The following DYM variants were observed in gnomAD, a reference collection of about 807,000 sequenced individuals.
The protein encoded by DYM is dymeclin, also known as dyggve-Melchior-Clausen syndrome protein.
Under a neutral mutation model 93.1 loss-of-function variants are expected in DYM, and 78 were observed. That is an observed-to-expected ratio of 0.84 (90% CI 0.70 to 1.01). The LOEUF is 1.01. DYM is among the 50% of genes least tolerant of loss of function. The pLI, the probability that DYM is intolerant of heterozygous loss-of-function variation, is 0.00. For missense variants in DYM, 789 were observed against 845.0 expected (o/e 0.93, Z 0.82); for synonymous variants, 321 against 319.7 (o/e 1.00, Z -0.04).
rs552432695 is a variant in DYM at position 49,236,656 on chromosome 18, G to A, written c.1460+20354C>T. ...GGAAATAGGCAGGGGTAAATTCCAA[G>A]AGCCAATTAACAATGGGAAATGAAA... On this transcript the variant is annotated intron_variant, in intron 13 of 17. Coordinates refer to ENST00000675505, the MANE Select transcript of DYM (RefSeq NM_001353214.3). 9.2e-5 allele frequency among the ~76,000 whole-genome samples: 14 copies of A among 152,218 alleles called. No homozygotes were observed. In the South Asian group the frequency reaches 2.9e-3, roughly 32 times the overall value.
chr18:49,280,593 C>T (rs1599089520), intron 10 of DYM, among the ~76,000 whole-genome samples: 2 of 152,172 alleles, frequency 1.3e-5, no homozygotes, highest in East Asian at 3.9e-4. Flanking sequence ...ACTATAAGGA[C>T]AGGGAGGGAT....
At chr18:49,254,555 C>A (rs1460956691) in intron 13 of DYM, among the ~76,000 whole-genome samples, 1 of 151,856 alleles carries the variant, frequency 6.6e-6, no homozygotes, top group Non-Finnish European at 1.5e-5. Context: ...CTTATTTCTT[C>A]AAATATGATT....
intron 2 of DYM, among the ~76,000 whole-genome samples, chr18:49,402,743 C>T (rs1313839021): frequency 6.6e-6 from 1 of 152,178 alleles, no homozygotes; most frequent in Non-Finnish European, 1.5e-5. Context: ...ACACCAAGTG[C>T]ACTCTACCTC....
At chr18:49,045,363 T>G (rs1210436802) in intron 17 of DYM, among the ~76,000 whole-genome samples, 1 of 152,254 alleles carries the variant, frequency 6.6e-6, no homozygotes, top group African/African-American at 2.4e-5. Flanking sequence ...CTTAATAAAC[T>G]GATGAGTGAA....
At chr18:49,386,258 G>A (rs1439686046) in intron 3 of DYM, among the ~76,000 whole-genome samples, 2 of 152,114 alleles carry the variant, frequency 1.3e-5, no homozygotes, top group Non-Finnish European at 1.5e-5. Flanking sequence ...TATGTTCAAA[G>A]TGCTGAAAGA....
chr18:49,199,786 C>G (rs920156004), intron 14 of DYM, among the ~76,000 whole-genome samples: 1 of 152,122 alleles, frequency 6.6e-6, no homozygotes, highest in Non-Finnish European at 1.5e-5. Flanking sequence ...CTCATTAGAG[C>G]TTTGTCTTAG....
At chr18:49,332,085 T>C in intron 7 of DYM, 79 bp from the exon 8 acceptor site, 1 of 1,403,602 alleles carries the variant, frequency 7.1e-7, no homozygotes, top group Non-Finnish European at 9.9e-7. Context: ...GAAATAATTC[T>C]GCCATTAACA....
In DYM at chr18:49,080,359, G is replaced by A. The variant is rs1391716339; in HGVS notation, c.2025+17043C>T. Among the ~76,000 whole-genome samples, 4 of 137,868 alleles carry A rather than the reference G, an allele frequency of 2.9e-5. 1 individual carries two copies. Among genetic ancestry groups the A allele is most frequent in the Non-Finnish European group, 6.4e-5 (4 of 62,718 alleles). The allele number at this position is 137,868 out of a possible 152,430, so 90.4% of individuals were successfully genotyped here. The stretch of plus-strand genomic sequence containing the variant: ...GGCTGACCCCCCCCAACTCCCTCCC[G>A]GACGGGGTGGCTGGCCGGGCGAGGG... On this transcript the variant is annotated intron_variant, in intron 17 of 17. Coordinates refer to ENST00000675505, the MANE Select transcript of DYM (RefSeq NM_001353214.3).
chr18:49,272,174 T>A lies in DYM; in HGVS notation c.1251+4A>T. On this transcript the variant is annotated splice_donor_region_variant and intron_variant, in intron 11 of 17. Coordinates refer to ENST00000675505, the MANE Select transcript of DYM (RefSeq NM_001353214.3). ...TAACTCTAATCCAAGTAATGGTAAC[T>A]TACCACTTCATGAATGGATCTGTTG... 1 of 1,612,044 alleles carries A rather than the reference T, an allele frequency of 6.2e-7. No homozygotes were observed. Among genetic ancestry groups the A allele is most frequent in the Non-Finnish European group, 8.5e-7 (1 of 1,178,518 alleles).
rs954213441 is a variant in DYM at position 49,380,287 on chromosome 18, C to T, written c.194-529G>A. ...TAAAGAATTTTTTTTTAACTTTAAA[C>T]GATGGGCATTTCAGCAACTGTATCA... is the stretch of plus-strand genomic sequence containing the variant. On this transcript the variant is annotated intron_variant, in intron 3 of 17. Transcript: ENST00000675505. Among the ~76,000 whole-genome samples, 89 of 152,050 alleles carry T rather than the reference C, an allele frequency of 5.9e-4. 3 individuals carry two copies. Among genetic ancestry groups the T allele is most frequent in the Admixed American group, 5.8e-3 (89 of 15,246 alleles).
chr18:49,297,133 T>C (rs1002423833), intron 8 of DYM, among the ~76,000 whole-genome samples: 3 of 152,352 alleles, frequency 2.0e-5, no homozygotes, highest in Non-Finnish European at 4.4e-5. Flanking sequence ...TTTAATCCTA[T>C]ATTTTAAGTT....
intron 13 of DYM, among the ~76,000 whole-genome samples, chr18:49,223,026 A>T (rs941663773): frequency 9.9e-5 from 15 of 152,156 alleles, no homozygotes; most frequent in African/African-American, 3.6e-4. Flanking sequence ...AGAATATGAA[A>T]TAAACAGGAA....
At chr18:49,329,558 T>A (rs1012626081) in intron 8 of DYM, 5 of 152,172 alleles carry the variant, frequency 3.3e-5, no homozygotes. Context: ...GAGAAGAAAC[T>A]GCAGAAGGCC....
intron 13 of DYM, among the ~76,000 whole-genome samples, chr18:49,225,771 A>G (rs746524522): frequency 6.6e-5 from 10 of 152,076 alleles, no homozygotes; most frequent in Non-Finnish European, 1.3e-4. Flanking sequence ...TAAATTAGCC[A>G]CTCATTCTGG....
intron 2 of DYM, among the ~76,000 whole-genome samples, chr18:49,425,592 T>G (rs1278993960): frequency 2.0e-5 from 3 of 152,034 alleles, no homozygotes; most frequent in Non-Finnish European, 4.4e-5. Context: ...GAAACTACCA[T>G]CAGAGTGAAC....
At chr18:49,351,229 C>T (rs532022170) in intron 6 of DYM, among the ~76,000 whole-genome samples, 15 of 152,206 alleles carry the variant, frequency 9.9e-5, no homozygotes, top group African/African-American at 3.6e-4. Context: ...CAAGACCAGC[C>T]TGGCCAACAT....
chr18:49,037,527 C>G lies in DYM; in HGVS notation c.*6528G>C, dbSNP rs2070750013. Among the ~76,000 whole-genome samples the G allele has an allele frequency of 6.6e-6, 1 of 152,108 alleles. No homozygotes were observed. Among genetic ancestry groups the G allele is most frequent in the South Asian group, 2.1e-4 (1 of 4,820 alleles). On this transcript the variant is annotated 3_prime_UTR_variant, in exon 18 of 18. Coordinates refer to ENST00000675505, the MANE Select transcript of DYM (RefSeq NM_001353214.3). ...GGATCATTAGGAGCCCAAACCTCAGCATCATCAATATATTCTTGTAACAAA... is the reference window on the plus strand; with the variant it reads ...GGATCATTAGGAGCCCAAACCTCAGGATCATCAATATATTCTTGTAACAAA...
chr18:49,096,947 T>C (rs1208838061), intron 17 of DYM, among the ~76,000 whole-genome samples: 1 of 152,122 alleles, frequency 6.6e-6, no homozygotes, highest in Admixed American at 6.6e-5. Context: ...AGTTTCCTCA[T>C]CTGAAAAATT....
intron 16 of DYM, among the ~76,000 whole-genome samples, chr18:49,105,097 G>C (rs2080643670): frequency 5.9e-5 from 9 of 152,132 alleles, no homozygotes. Context: ...GCCTGTTATT[G>C]GTCTATTCAG....
Sources: allele counts gnomAD v4.1 joint callset (sites outside exome capture counted in the v4.1 genomes callset), GRCh38; gene constraint gnomAD v4.1.1; transcripts MANE v1.5; gene names NCBI Gene and HGNC (gene_info 2026-07-23, HGNC 2026-07-21).